MYO1E: variants seen among roughly 807,000 people sequenced by gnomAD.
The protein encoded by MYO1E is unconventional myosin-Ie.
MYO1E carries 68 observed loss-of-function variants against 151.1 expected under a neutral mutation model. The ratio of observed to expected loss-of-function variants is 0.45; its 90% confidence interval spans 0.37 to 0.55. The LOEUF (loss-of-function observed/expected upper bound fraction) is 0.55. Among genes scored for constraint, MYO1E ranks in the 20% least tolerant of loss-of-function variants. The pLI is 0.00. For missense variants in MYO1E, 1,363 were observed against 1,389.3 expected, an observed-to-expected ratio of 0.98 and a Z score of 0.30; for synonymous variants, 601 against 501.7, an observed-to-expected ratio of 1.20 and a Z score of -2.64.
intron 1 of MYO1E, among the ~76,000 whole-genome samples, chr15:59,369,726 G>T (rs1025080897): frequency 3.3e-5 from 5 of 152,142 alleles, no homozygotes; most frequent in Non-Finnish European, 7.3e-5. Flanking sequence ...GAGTTTTCAG[G>T]AGGAAGATAG....
At chr15:59,238,834 G>C (rs1393209002) in intron 4 of MYO1E, among the ~76,000 whole-genome samples, 1 of 151,876 alleles carries the variant, frequency 6.6e-6, no homozygotes, top group African/African-American at 2.4e-5. Context: ...GCCTCCCAAA[G>C]TGCTGGGATT....
At chr15:59,206,747 A>C in intron 14 of MYO1E, 1 of 596,318 alleles carries the variant, frequency 1.7e-6, no homozygotes, top group Non-Finnish European at 3.0e-6. Context: ...TCACTGCCTT[A>C]GTCTGAGCAC....
At chr15:59,178,254 G>T in intron 19 of MYO1E, 139 bp downstream of exon 19, 1 of 1,058,884 alleles carries the variant, frequency 9.4e-7, no homozygotes, top group Non-Finnish European at 1.4e-6. Context: ...AGACCAGGAA[G>T]GGAGGGAAGG....
chr15:59,199,370 A>C (rs2079787143), intron 16 of MYO1E, among the ~76,000 whole-genome samples: 1 of 152,164 alleles, frequency 6.6e-6, no homozygotes, highest in African/African-American at 2.4e-5. Context: ...GCCATGAGCC[A>C]CTGTGCCCGG....
chr15:59,207,543 A>G, intron 14 of MYO1E: 1 of 1,613,978 alleles, frequency 6.2e-7, no homozygotes, highest in Non-Finnish European at 8.5e-7. Context: ...AGTTGAGTGC[A>G]TTTCCCAAAA....
At chr15:59,215,689 T>A (rs1026459150) in intron 10 of MYO1E, among the ~76,000 whole-genome samples, 1 of 152,182 alleles carries the variant, frequency 6.6e-6, no homozygotes, top group Non-Finnish European at 1.5e-5. Context: ...TGAGTAATCA[T>A]ACACAACACA....
At position 59,158,196 on chromosome 15, in the gene MYO1E, T is replaced by C. The variant is rs141570871; in HGVS notation, c.2878+91A>G. ...TCCATGCCTGGTTAATATGTGTGCATTGATTTGCTAATGGGTTTCTTCCCA... is the reference window on the plus strand; with the variant it reads ...TCCATGCCTGGTTAATATGTGTGCACTGATTTGCTAATGGGTTTCTTCCCA... On this transcript the variant is annotated intron_variant, in intron 25 of 27. Coordinates refer to ENST00000288235, the MANE Select transcript of MYO1E (RefSeq NM_004998.4). The C allele has an allele frequency of 3.0e-5, 34 of 1,122,858 alleles. No individual in the cohort carries two copies. In the African/African-American group the frequency reaches 4.3e-4, roughly 14 times the overall value. The allele number at this position is 1,122,858 out of a possible 1,614,324, so 69.6% of individuals were successfully genotyped here.
In MYO1E at chr15:59,291,131, G is replaced by C. The variant is rs147637515; in HGVS notation, c.4-18682C>G. Among the ~76,000 whole-genome samples the C allele has an allele frequency of 7.7e-4, 118 of 152,322 alleles. 1 individual carries two copies. In the East Asian group the frequency reaches 0.018, roughly 23 times the overall value. The stretch of plus-strand genomic sequence containing the variant: ...AGCATATCTGCAAAAACATTTGCAT[G>C]GTTTCTGGTTGCAAAAATGCTGAAA... On this transcript the variant is annotated intron_variant, in intron 1 of 27. Transcript: ENST00000288235.
chr15:59,359,354 C>T (rs977128763), intron 1 of MYO1E, among the ~76,000 whole-genome samples: 1 of 147,084 alleles, frequency 6.8e-6, no homozygotes, highest in African/African-American at 2.5e-5. Flanking sequence ...CTAGGCATGG[C>T]AGCTCATGCC....
intron 19 of MYO1E, among the ~76,000 whole-genome samples, chr15:59,175,158 T>C (rs185055100): frequency 1.5e-3 from 223 of 152,308 alleles, no homozygotes; most frequent in African/African-American, 5.0e-3. Flanking sequence ...AAAGTGAACC[T>C]AGGTCTTTCA....
At position 59,272,383 on chromosome 15, in the gene MYO1E, T is replaced by C. The variant is rs2080293644; in HGVS notation, c.70A>G (p.Met24Val). Residue 24 changes from methionine (M) to valine (V), a missense_variant, in exon 2 of 28, where the codon ATG (methionine) becomes GTG (valine). Met to Val is a conservative substitution (Grantham distance 21). Coordinates refer to ENST00000288235, the MANE Select transcript of MYO1E (RefSeq NM_004998.4). Reference protein sequence around the residue: ...HNVKHSGVDDMVLLSKITENS... With the variant: ...HNVKHSGVDDVVLLSKITENS... ...TCTGTGATCTTGGACAGTAGCACCA[T>C]GTCGTCCACACCACTGTGCTTGACA... The C allele has an allele frequency of 5.6e-6, 9 of 1,614,064 alleles. No homozygotes were observed. The highest frequency in any genetic ancestry group is 1.1e-5 in the South Asian group (1 of 91,080).
chr15:59,346,154 A>G (rs1004221395), intron 1 of MYO1E, among the ~76,000 whole-genome samples: 6 of 152,088 alleles, frequency 3.9e-5, no homozygotes, highest in Non-Finnish European at 8.8e-5. Flanking sequence ...GAATTAACAC[A>G]TCTTTCCCCT....
At chr15:59,290,023 T>C (rs905591063) in intron 1 of MYO1E, among the ~76,000 whole-genome samples, 2 of 152,250 alleles carry the variant, frequency 1.3e-5, no homozygotes, top group South Asian at 2.1e-4. Context: ...GCACCAACCA[T>C]GTTCCCAATG....
rs1482149845 is a variant in MYO1E at position 59,190,744 on chromosome 15, C to T, written c.1806-2528G>A. Among the ~76,000 whole-genome samples the T allele has an allele frequency of 1.1e-4, 17 of 152,304 alleles. No individual in the cohort carries two copies. The South Asian group carries it at 3.5e-3, about 32-fold the overall frequency. On this transcript the variant is annotated intron_variant, in intron 17 of 27. Transcript: ENST00000288235. ...CTAGACGAGTACTTTCTATGGAAAG[C>T]ACTTAGTTCGTAGCACGAGCATGTA...
Position 59,213,511 on chromosome 15 carries a change from G to A in MYO1E, c.1275+717C>T, listed in dbSNP as rs572514917. Among the ~76,000 whole-genome samples the A allele has an allele frequency of 3.8e-4, 58 of 151,744 alleles. No individual in the cohort carries two copies. In the South Asian group the frequency reaches 1.0e-2, roughly 26 times the overall value. ...GATAGAGTCTTGCTCTGTTGCCTAG[G>A]ATGGAGTGCAGTGGTGTGATGATAT... is the stretch of plus-strand genomic sequence containing the variant. On this transcript the variant is annotated intron_variant, in intron 12 of 27. Coordinates refer to ENST00000288235, the MANE Select transcript of MYO1E (RefSeq NM_004998.4).
chr15:59,353,390 AAAAG>A lies in MYO1E; in HGVS notation c.3+19104_3+19107del, dbSNP rs869168389. Among the ~76,000 whole-genome samples the A allele has an allele frequency of 2.5e-4, 37 of 149,414 alleles. No homozygotes were observed. In the South Asian group the frequency reaches 2.8e-3, roughly 11 times the overall value. ...AAAAAAAAAGAAAAGAAAAGAAAAG[AAAAG>A]AAAAAAAAGAAAAAAAAATCCATTT... On this transcript the variant is annotated intron_variant, in intron 1 of 27. Transcript: ENST00000288235.
intron 1 of MYO1E, among the ~76,000 whole-genome samples, chr15:59,281,786 T>A (rs1159992247): frequency 6.6e-6 from 1 of 152,122 alleles, no homozygotes; most frequent in African/African-American, 2.4e-5. Flanking sequence ...TTCTTCAACA[T>A]GTAAAAATAG....
chr15:59,183,422 C>T lies in MYO1E; in HGVS notation c.1904+4696G>A, dbSNP rs139460388. Among the ~76,000 whole-genome samples, 141 of 151,996 alleles carry T rather than the reference C, an allele frequency of 9.3e-4. 1 individual carries two copies. Among genetic ancestry groups the T allele is most frequent in the Middle Eastern group, 6.8e-3 (2 of 294 alleles). ...CCAGGCTAACTCACTGTGGCCTTGA[C>T]CTCCTGGGCTCGAGTAATCCTCCTG... On this transcript the variant is annotated intron_variant, in intron 18 of 27. Transcript: ENST00000288235.
intron 4 of MYO1E, among the ~76,000 whole-genome samples, chr15:59,255,427 C>A (rs773928942): frequency 6.6e-6 from 1 of 152,016 alleles, no homozygotes; most frequent in South Asian, 2.1e-4. Flanking sequence ...TGGAGTCTCA[C>A]TCTGTCACTC....
Sources: allele counts gnomAD v4.1 joint callset (sites outside exome capture counted in the v4.1 genomes callset), GRCh38; gene constraint gnomAD v4.1.1; transcripts MANE v1.5; gene names NCBI Gene and HGNC (gene_info 2026-07-23, HGNC 2026-07-21).